NRTN: variants seen among roughly 807,000 people sequenced by gnomAD.
The protein encoded by NRTN is prepro-neurturin.
In NRTN, 3 loss-of-function variants were observed where a neutral mutation model predicts 7.5. The observed-to-expected ratio is 0.40, with a 90% CI of 0.18 to 1.03. The LOEUF is 1.03. Among genes scored for constraint, NRTN ranks in the 50% least tolerant of loss-of-function variants. The probability of loss-of-function intolerance (pLI) is 0.34; values close to 1 mark genes in which losing one functional copy is unlikely to be tolerated. For synonymous variants in NRTN, 157 were observed against 146.6 expected (o/e 1.07, Z -0.51); for missense variants, 310 against 307.0 (o/e 1.01, Z -0.07).
intron 1 of NRTN, among the ~76,000 whole-genome samples, chr19:5,820,103 A>G (rs2057018343): frequency 1.3e-5 from 2 of 148,658 alleles, no homozygotes; most frequent in Admixed American, 1.3e-4. Context: ...TGTCTCTACT[A>G]AAAATACAAA....
intron 2 of NRTN, 32 bp from the exon 3 acceptor site, chr19:5,827,717 A>AC (rs745582668): frequency 9.0e-5 from 36 of 400,326 alleles, no homozygotes; most frequent in South Asian, 3.9e-4. Flanking sequence ...GCACCCACTG[A>AC]CCCCCCCTCC....
intron 1 of NRTN, among the ~76,000 whole-genome samples, chr19:5,814,531 T>C (rs1446655484): frequency 1.3e-5 from 2 of 152,164 alleles, no homozygotes; most frequent in African/African-American, 2.4e-5. Flanking sequence ...GGACTGGGTG[T>C]GCCCGGCAGG....
chr19:5,813,620 G>T (rs1189706221), intron 1 of NRTN, among the ~76,000 whole-genome samples: 1 of 151,608 alleles, frequency 6.6e-6, no homozygotes, highest in African/African-American at 2.4e-5. Flanking sequence ...GTTGCAGTGA[G>T]CTGTGATCAT....
At position 5,806,650 on chromosome 19, in the gene NRTN, T is replaced by TC. The variant is rs544153453; in HGVS notation, c.-399+1202dup. Among the ~76,000 whole-genome samples the TC allele has an allele frequency of 6.6e-6, 1 of 151,882 alleles. No individual in the cohort carries two copies. The highest frequency in any genetic ancestry group is 1.5e-5 in the Non-Finnish European group (1 of 67,978). ...CTCCCTCCTCCCTTCATCCTAAGAC[T>TC]CCCGAGGTTCATAGCTCCGGCACCG... On this transcript the variant is annotated intron_variant, in intron 1 of 2. Coordinates refer to ENST00000303212, the MANE Select transcript of NRTN (RefSeq NM_004558.5). The surrounding 1 kb of genome is among the most constrained non-coding windows in gnomAD (Gnocchi z 5.4).
chr19:5,809,723 TG>T (rs2056984308), intron 1 of NRTN, among the ~76,000 whole-genome samples: 1 of 152,162 alleles, frequency 6.6e-6, no homozygotes, highest in African/African-American at 2.4e-5. Flanking sequence ...TTTCTGCCAC[TG>T]GGGCCTTTTA....
rs779463463 is a variant in NRTN at position 5,827,931 on chromosome 19, G to A, written c.352G>A (p.Gly118Ser). 2.0e-6 allele frequency: 3 copies of A among 1,483,530 alleles called. No homozygotes were observed. In the Admixed American group the frequency reaches 6.3e-5, roughly 31 times the overall value. 91.9% of individuals were successfully genotyped at this position (1,483,530 alleles called of 1,614,324 possible). A position where few individuals can be genotyped will look rare whatever the true frequency, so the allele number is the denominator to read the frequency against. Residue 118 changes from glycine to serine, a missense_variant, in exon 3 of 3, where the codon GGC becomes AGC. By Grantham distance (56) the Gly-to-Ser change is moderately conservative. Transcript: ENST00000303212. ...GGTGCGCGTGAGCGAGCTGGGCCTG[G>A]GCTACGCGTCCGACGAGACGGTGCT... is the stretch of plus-strand genomic sequence containing the variant. ...LEVRVSELGL[G>S]YASDETVLFR... is the part of the protein sequence containing the mutation.
chr19:5,814,872 G>T (rs2057000247), intron 1 of NRTN, among the ~76,000 whole-genome samples: 1 of 152,180 alleles, frequency 6.6e-6, no homozygotes, highest in East Asian at 1.9e-4. Context: ...CTCCAGGAAG[G>T]AAGGAGGCTT....
intron 1 of NRTN, among the ~76,000 whole-genome samples, chr19:5,816,964 T>G (rs774907047): frequency 6.6e-6 from 1 of 152,216 alleles, no homozygotes; most frequent in Non-Finnish European, 1.5e-5. Context: ...GGTGGTGTTC[T>G]GGTGTGTGGA....
intron 1 of NRTN, among the ~76,000 whole-genome samples, chr19:5,815,236 G>A (rs756216547): frequency 3.9e-5 from 6 of 152,176 alleles, no homozygotes; most frequent in Non-Finnish European, 7.3e-5. Flanking sequence ...GTGTGTCTCT[G>A]TGAGACCGGA....
At chr19:5,823,088 GAAGA>G (rs202139929) in intron 1 of NRTN, among the ~76,000 whole-genome samples, 175 of 150,144 alleles carry the variant, frequency 1.2e-3, no homozygotes, top group African/African-American at 3.7e-3. Context: ...AAGAAAGAGA[GAAGA>G]AAGAAAGAAA....
chr19:5,815,231 T>A (rs1599635655), intron 1 of NRTN, among the ~76,000 whole-genome samples: 1 of 152,274 alleles, frequency 6.6e-6, no homozygotes, highest in South Asian at 2.1e-4. Flanking sequence ...CTTGTGTGTG[T>A]CTCTGTGAGA....
At position 5,823,778 on chromosome 19, in the gene NRTN, T is replaced by C; in HGVS notation, c.-388T>C. On this transcript the variant is annotated 5_prime_UTR_variant, in exon 2 of 3. Coordinates refer to ENST00000303212, the MANE Select transcript of NRTN (RefSeq NM_004558.5). Reference sequence around the variant, plus strand: ...CCCCTGGCTCCTCAGCTGCAGCCGCTCCGGCCTCCTTGCTGTTCCTGGGAT... The same window carrying C: ...CCCCTGGCTCCTCAGCTGCAGCCGCCCCGGCCTCCTTGCTGTTCCTGGGAT... The C allele has an allele frequency of 2.8e-6, 1 of 357,852 alleles. No homozygotes were observed. The highest frequency in any genetic ancestry group is 2.7e-5 in the South Asian group (1 of 37,600). The allele number at this position is 357,852 out of a possible 1,614,324, so 22.2% of individuals were successfully genotyped here. A position where few individuals can be genotyped will look rare whatever the true frequency, so the allele number is the denominator to read the frequency against.
chr19:5,810,225 C>G (rs1053521207), intron 1 of NRTN, among the ~76,000 whole-genome samples: 6 of 149,012 alleles, frequency 4.0e-5, no homozygotes, highest in Admixed American at 2.0e-4. Context: ...CGAGATCGCG[C>G]CACTGCACTC....
intron 1 of NRTN, among the ~76,000 whole-genome samples, chr19:5,814,299 C>G (rs1183636644): frequency 1.3e-5 from 2 of 152,088 alleles, no homozygotes; most frequent in Non-Finnish European, 2.9e-5. Context: ...CTGGGGGTGG[C>G]CAAGATGGGT....
In NRTN at chr19:5,828,243, A is replaced by G; in HGVS notation, c.*70A>G. 6.7e-7 allele frequency: 1 copy of G among 1,488,364 alleles called. No individual in the cohort carries two copies. 92.2% of individuals were successfully genotyped at this position (1,488,364 alleles called of 1,614,324 possible). On this transcript the variant is annotated 3_prime_UTR_variant, in exon 3 of 3. Coordinates refer to ENST00000303212, the MANE Select transcript of NRTN (RefSeq NM_004558.5). Reference sequence around the variant, plus strand: ...ACGGCACCACTGGCCGGCCCCGCGAAAGACTGCGCGTGCGTAGAGCACGCC... The same window carrying G: ...ACGGCACCACTGGCCGGCCCCGCGAGAGACTGCGCGTGCGTAGAGCACGCC...
intron 1 of NRTN, among the ~76,000 whole-genome samples, chr19:5,815,756 T>TC (rs1491383838): frequency 7.0e-6 from 1 of 142,200 alleles, no homozygotes; most frequent in Non-Finnish European, 1.5e-5. Flanking sequence ...TTTTTTTTTT[T>TC]CTTTTTGAAA....
intron 1 of NRTN, among the ~76,000 whole-genome samples, chr19:5,814,181 T>C (rs2056998535): frequency 6.6e-6 from 1 of 152,092 alleles, no homozygotes; most frequent in East Asian, 1.9e-4. Flanking sequence ...CCCTGTGCCC[T>C]GCAAAAACTC....
chr19:5,821,526 C>T (rs948271141), intron 1 of NRTN, among the ~76,000 whole-genome samples: 2 of 152,034 alleles, frequency 1.3e-5, no homozygotes, highest in Non-Finnish European at 2.9e-5. Flanking sequence ...TGGTCTTGAA[C>T]ACCTGACCTC....
At chr19:5,819,831 C>T (rs1457224248) in intron 1 of NRTN, among the ~76,000 whole-genome samples, 2 of 151,016 alleles carry the variant, frequency 1.3e-5, no homozygotes, top group Non-Finnish European at 2.9e-5. Context: ...GCCTGGGCAA[C>T]AGAGTGAGAT....
Sources: gnomAD v4.1 joint callset for allele counts (sites outside exome capture counted in the v4.1 genomes callset) on GRCh38, gnomAD v4.1.1 for gene constraint, Gnocchi (gnomAD v3.1) non-coding constraint, MANE v1.5 for transcripts, NCBI Gene and HGNC (gene_info 2026-07-23, HGNC 2026-07-21) for gene names.